ZFP91: variants seen among roughly 807,000 people sequenced by gnomAD.
ZFP91 encodes the protein ZFP91 zinc finger protein, atypical E3 ubiquitin ligase, also known as E3 ubiquitin-protein ligase ZFP91.
In ZFP91, 7 loss-of-function variants were observed where a neutral mutation model predicts 63.5. That is an observed-to-expected ratio of 0.11 (90% CI 0.06 to 0.21). ZFP91 has a LOEUF of 0.21. ZFP91 is among the 10% of genes least tolerant of loss of function. The probability of loss-of-function intolerance (pLI) is 1.00; values close to 1 mark genes in which losing one functional copy is unlikely to be tolerated. For missense variants in ZFP91, 628 were observed against 736.6 expected, an observed-to-expected ratio of 0.85 and a Z score of 1.71; for synonymous variants, 330 against 272.1, an observed-to-expected ratio of 1.21 and a Z score of -2.10.
chr11:58,612,401 C>A, intron 7 of ZFP91, 73 bp downstream of exon 7: 2 of 1,466,536 alleles, frequency 1.4e-6, no homozygotes, highest in South Asian at 1.2e-5. Context: ...ATTTAGACTT[C>A]ATGATAATCC....
At chr11:58,612,673 T>C (rs1855685583) in intron 7 of ZFP91, 89 bp from the exon 8 acceptor site, 4 of 965,202 alleles carry the variant, frequency 4.1e-6, no homozygotes, top group Non-Finnish European at 6.4e-6. Context: ...AAAATAGCTA[T>C]TCCCAATAGC....
chr11:58,579,359 G>A lies in ZFP91; in HGVS notation c.78G>A (p.Pro26=), dbSNP rs1190382246. The A allele has an allele frequency of 1.3e-6, 2 of 1,493,446 alleles. No homozygotes were observed. The highest frequency in any genetic ancestry group is 1.5e-5 in the African/African-American group (1 of 67,964). 92.5% of individuals were successfully genotyped at this position (1,493,446 alleles called of 1,614,324 possible). A position where few individuals can be genotyped will look rare whatever the true frequency, so the allele number is the denominator to read the frequency against. ...GGGGAGAGGCGGCCAAGGCGGCTCC[G>A]GAGGAGCCCCAACAACGGCCCCCTG... is the stretch of plus-strand genomic sequence containing the variant. The part of the protein sequence containing the change: ...QEGGEAAKAA[P]EEPQQRPPEA... The change falls in exon 1 of 11, where the codon CCG becomes CCA. Residue 26 remains proline, a synonymous_variant. Transcript: ENST00000316059.
chr11:58,599,051 C>T (rs1343620917), intron 2 of ZFP91, among the ~76,000 whole-genome samples: 1 of 151,972 alleles, frequency 6.6e-6, no homozygotes, highest in Non-Finnish European at 1.5e-5. Context: ...TGGAATCATA[C>T]AATATGTGCA....
At position 58,616,822 on chromosome 11, in the gene ZFP91, A is replaced by G; in HGVS notation, c.1202+7A>G. ...CTGGCGAGAAGCCATTACAGTGAGT[A>G]TTATTTACTGGTGAACATCTGGGTG... On this transcript the variant is annotated splice_region_variant and intron_variant, in intron 10 of 10. Transcript: ENST00000316059. 1 of 1,612,884 alleles carries G rather than the reference A, an allele frequency of 6.2e-7. No homozygotes were observed. Among genetic ancestry groups the G allele is most frequent in the Non-Finnish European group, 8.5e-7 (1 of 1,179,020 alleles).
intron 2 of ZFP91, among the ~76,000 whole-genome samples, chr11:58,599,300 T>G (rs1000394194): frequency 4.0e-5 from 6 of 150,612 alleles, no homozygotes; most frequent in Admixed American, 2.0e-4. Flanking sequence ...GAATAGCTGT[T>G]TTCAATTTTT....
In ZFP91 at chr11:58,619,063, T is replaced by G. The variant is rs903238831; in HGVS notation, c.*1357T>G. ...TCAGTTCATTCCAGCTCCCTGTTAG[T>G]GAAGGACACTGCTGTTAGTGAAGGA... On this transcript the variant is annotated 3_prime_UTR_variant, in exon 11 of 11. Coordinates refer to ENST00000316059, the MANE Select transcript of ZFP91 (RefSeq NM_053023.5). The G allele has an allele frequency of 5.9e-6, 1 of 170,926 alleles. No homozygotes were observed. The highest frequency in any genetic ancestry group is 1.2e-5 in the Non-Finnish European group (1 of 80,286). 10.6% of individuals were successfully genotyped at this position (170,926 alleles called of 1,614,324 possible).
chr11:58,599,252 T>G (rs760903987), intron 2 of ZFP91, among the ~76,000 whole-genome samples: 1 of 152,120 alleles, frequency 6.6e-6, no homozygotes, highest in Non-Finnish European at 1.5e-5. Context: ...TTGAGAATTG[T>G]GCTTCTATGA....
intron 1 of ZFP91, among the ~76,000 whole-genome samples, chr11:58,580,781 A>G (rs17152743): frequency 0.03 from 4,560 of 152,332 alleles, 230 homozygotes; most frequent in African/African-American, 0.1. Flanking sequence ...AAATTTTTGA[A>G]TGTCAGCTAA....
rs549449974 is a variant in ZFP91 at position 58,612,023 on chromosome 11, C to G, written c.858-255C>G. ...CTAAAAGTAATACATTGAGATTCTT[C>G]TAAGTCTTTCATAGTATTGCATAGT... On this transcript the variant is annotated intron_variant, in intron 6 of 10. Coordinates refer to ENST00000316059, the MANE Select transcript of ZFP91 (RefSeq NM_053023.5). The G allele has an allele frequency of 1.7e-5, 9 of 530,578 alleles. No homozygotes were observed. In the South Asian group the frequency reaches 2.8e-4, roughly 17 times the overall value. The allele number at this position is 530,578 out of a possible 1,614,324, so 32.9% of individuals were successfully genotyped here. A position where few individuals can be genotyped will look rare whatever the true frequency, so the allele number is the denominator to read the frequency against.
rs78367164 is a variant in ZFP91 at position 58,589,465 on chromosome 11, C to G, written c.370+4581C>G. Among the ~76,000 whole-genome samples, 1,258 of 152,312 alleles carry G rather than the reference C, an allele frequency of 8.3e-3. 13 individuals are homozygous for G. Among genetic ancestry groups the G allele is most frequent in the African/African-American group, 0.029 (1,198 of 41,560 alleles). Reference sequence around the variant, plus strand: ...ACAACAACAACAAAAGCCTCTTTCCCTGGCTTCTCTTAATACTACTGAGAT... The same window carrying G: ...ACAACAACAACAAAAGCCTCTTTCCGTGGCTTCTCTTAATACTACTGAGAT... On this transcript the variant is annotated intron_variant, in intron 2 of 10. Transcript: ENST00000316059.
intron 2 of ZFP91, among the ~76,000 whole-genome samples, chr11:58,589,948 A>G (rs1361223943): frequency 6.6e-6 from 1 of 152,240 alleles, no homozygotes; most frequent in Non-Finnish European, 1.5e-5. Context: ...TTAACTTTAT[A>G]ATAATTTGCC....
At position 58,607,091 on chromosome 11, in the gene ZFP91, A is replaced by G. The variant is rs1474810718; in HGVS notation, c.371-2739A>G. Among the ~76,000 whole-genome samples, 4 of 152,124 alleles carry G rather than the reference A, an allele frequency of 2.6e-5. No homozygotes were observed. The South Asian group carries it at 8.3e-4, about 32-fold the overall frequency. ...ATCTACAGTATAGGAGGTTGTGGGC[A>G]TACCATCCTTTCATCATGAAGAAGA... On this transcript the variant is annotated intron_variant, in intron 2 of 10. Coordinates refer to ENST00000316059, the MANE Select transcript of ZFP91 (RefSeq NM_053023.5).
At chr11:58,600,379 T>C (rs1855473717) in intron 2 of ZFP91, among the ~76,000 whole-genome samples, 1 of 152,202 alleles carries the variant, frequency 6.6e-6, no homozygotes, top group Non-Finnish European at 1.5e-5. Context: ...CTAATATACT[T>C]AAAACAATGA....
Position 58,610,983 on chromosome 11 carries a change from G to A in ZFP91, c.651G>A (p.Met217Ile), listed in dbSNP as rs1855652159. 1 of 1,612,918 alleles carries A rather than the reference G, an allele frequency of 6.2e-7. No homozygotes were observed. Among genetic ancestry groups the A allele is most frequent in the Non-Finnish European group, 8.5e-7 (1 of 1,179,660 alleles). The change falls in exon 5 of 11, where the codon ATG becomes ATA. Residue 217 changes from methionine (M) to isoleucine (I), a missense_variant. By Grantham distance (10) the Met-to-Ile change is conservative. Around this residue, in one of 3 missense-constraint regions of ZFP91, gnomAD observed 437 missense variants for 380.3 expected, o/e 1.15. Coordinates refer to ENST00000316059, the MANE Select transcript of ZFP91 (RefSeq NM_053023.5). ...SEEEEEEEEE[M>I]LISEEEIPFK... ...AGGAAGAGGAGGAGGAAGAAGAGAT[G>A]TTAATCAGTGAAGAGGAGATACCAT...
chr11:58,611,972 T>A, intron 6 of ZFP91: 1 of 541,394 alleles, frequency 1.8e-6, no homozygotes, highest in Middle Eastern at 4.9e-4. Context: ...AATCTTAGTG[T>A]TTTTAGATGA....
rs1481589866 is a variant in ZFP91, at chr11:58,610,970, A to C, written c.638A>C (p.Glu213Ala). 1 of 1,612,506 alleles carries C rather than the reference A, an allele frequency of 6.2e-7. No individual in the cohort carries two copies. The highest frequency in any genetic ancestry group is 8.5e-7 in the Non-Finnish European group (1 of 1,179,604). Residue 213 changes from glutamate (E) to alanine (A), a missense_variant, in exon 5 of 11, where the codon GAG (glutamate) becomes GCG (alanine). Glu to Ala is a moderately radical substitution (Grantham distance 107, BLOSUM62 -1). Coordinates refer to ENST00000316059, the MANE Select transcript of ZFP91 (RefSeq NM_053023.5). ...TTTAGTAGTGAAGAGGAAGAGGAGG[A>C]GGAAGAAGAGATGTTAATCAGTGAA... ...GGISSEEEEE[E>A]EEEMLISEEE...
At chr11:58,603,737 T>A (rs953767512) in intron 2 of ZFP91, among the ~76,000 whole-genome samples, 27 of 152,226 alleles carry the variant, frequency 1.8e-4, no homozygotes, top group Non-Finnish European at 2.5e-4. Flanking sequence ...AAAAGCTTAT[T>A]CTTAGGGCTT....
intron 2 of ZFP91, among the ~76,000 whole-genome samples, chr11:58,595,840 G>A (rs975721042): frequency 9.2e-5 from 14 of 152,156 alleles, no homozygotes; most frequent in African/African-American, 3.1e-4. Flanking sequence ...ACCTCCCAAA[G>A]TGCTGGGTAT....
intron 1 of ZFP91, among the ~76,000 whole-genome samples, chr11:58,581,980 G>C (rs1041403959): frequency 2.0e-5 from 3 of 152,158 alleles, no homozygotes; most frequent in African/African-American, 7.2e-5. Context: ...CTGTGTTTTT[G>C]ATCAGGTTGT....
Sources: allele counts gnomAD v4.1 joint callset (sites outside exome capture counted in the v4.1 genomes callset), GRCh38; gene constraint gnomAD v4.1.1; regional missense constraint gnomAD v4.1.1; transcripts MANE v1.5; gene names NCBI Gene and HGNC (gene_info 2026-07-23, HGNC 2026-07-21).